The following THSD7A variants were observed in gnomAD, a reference collection of about 807,000 sequenced individuals.
THSD7A encodes thrombospondin type-1 domain-containing protein 7A.
A neutral mutation model predicts 231.3 loss-of-function variants in THSD7A; 96 were observed. The ratio of observed to expected loss-of-function variants is 0.41; its 90% CI spans 0.35 to 0.49. The LOEUF is 0.49. THSD7A is among the 20% of genes least tolerant of loss of function. THSD7A has a pLI of 0.05. For missense variants in THSD7A, 2,290 were observed against 2,070.2 expected (o/e 1.11, Z -2.06); for synonymous variants, 940 against 743.3 (o/e 1.26, Z -4.30).
intron 1 of THSD7A, among the ~76,000 whole-genome samples, chr7:11,791,385 C>T (rs868546332): frequency 2.0e-5 from 3 of 152,014 alleles, no homozygotes; most frequent in Non-Finnish European, 4.4e-5. Flanking sequence ...AAATGTTATC[C>T]TCCCTACCCC....
At chr7:11,691,081 T>C (rs1453891642) in intron 1 of THSD7A, among the ~76,000 whole-genome samples, 1 of 151,650 alleles carries the variant, frequency 6.6e-6, no homozygotes, top group Non-Finnish European at 1.5e-5. Flanking sequence ...GTTAGGTTTT[T>C]GTATCCTTTA....
chr7:11,407,513 G>C, intron 19 of THSD7A, 90 bp from the exon 20 acceptor site: 10 of 868,240 alleles, frequency 1.2e-5, no homozygotes, highest in Non-Finnish European at 1.6e-5. Context: ...GAAGGAGGGA[G>C]AAAAAGCAAG....
chr7:11,559,195 C>A (rs549341329), intron 4 of THSD7A, among the ~76,000 whole-genome samples: 1 of 152,232 alleles, frequency 6.6e-6, no homozygotes, highest in South Asian at 2.1e-4. Flanking sequence ...ACAGCTCCTC[C>A]CCTAGAGCCT....
chr7:11,734,259 C>T (rs1046537389), intron 1 of THSD7A, among the ~76,000 whole-genome samples: 4 of 152,004 alleles, frequency 2.6e-5, no homozygotes, highest in African/African-American at 7.2e-5. Flanking sequence ...CCAAACCATG[C>T]ACACACCACA....
At chr7:11,587,213 C>T (rs1178567687) in intron 4 of THSD7A, among the ~76,000 whole-genome samples, 1 of 152,138 alleles carries the variant, frequency 6.6e-6, no homozygotes, top group Non-Finnish European at 1.5e-5. Flanking sequence ...TACAGATAAC[C>T]TCCCCACAGG....
At chr7:11,488,098 T>A (rs942228956) in intron 6 of THSD7A, among the ~76,000 whole-genome samples, 4 of 152,122 alleles carry the variant, frequency 2.6e-5, no homozygotes, top group African/African-American at 4.8e-5. Flanking sequence ...AGAGCCAAGA[T>A]TAAAAAGCAC....
chr7:11,826,739 G>A (rs995123978), intron 1 of THSD7A, among the ~76,000 whole-genome samples: 3 of 149,840 alleles, frequency 2.0e-5, no homozygotes, highest in African/African-American at 7.4e-5. Flanking sequence ...TTGAATCCAG[G>A]AGGCAATGAT....
chr7:11,405,111 T>A lies in THSD7A; in HGVS notation c.4237+1189A>T, dbSNP rs571827774. The stretch of plus-strand genomic sequence containing the variant: ...TATTTACTGTTCAATTTCATTCAGT[T>A]CATCTTAAACTATACCCTACCATTT... On this transcript the variant is annotated intron_variant, in intron 22 of 27. Transcript: ENST00000423059. Among the ~76,000 whole-genome samples, 12 of 151,834 alleles carry A rather than the reference T, an allele frequency of 7.9e-5. No individual in the cohort carries two copies. The South Asian group carries it at 1.0e-3, about 13-fold the overall frequency.
rs967268771 is a variant in THSD7A at position 11,382,612 on chromosome 7, T to G, written c.4416A>C (p.Gly1472=). 3 of 1,611,342 alleles carry G rather than the reference T, an allele frequency of 1.9e-6. No individual in the cohort carries two copies. Among genetic ancestry groups the G allele is most frequent in the Admixed American group, 3.3e-5 (2 of 59,786 alleles). ...CCATCCATTTATATTCATAGCACTG[T>G]CCATCTGCAGGGAAATAATAAACAT... The part of the protein sequence containing the change: ...QMLETKSCYD[G]QCYEYKWMAS... The change falls in exon 24 of 28, where the codon GGA becomes GGC. Residue 1472 remains glycine, a synonymous_variant. Coordinates refer to ENST00000423059, the MANE Select transcript of THSD7A (RefSeq NM_015204.3).
intron 6 of THSD7A, among the ~76,000 whole-genome samples, chr7:11,513,685 G>A (rs73286814): frequency 1.6e-3 from 239 of 152,190 alleles, no homozygotes; most frequent in African/African-American, 5.6e-3. Context: ...TTCTCTTGAG[G>A]TGATGAAAAT....
At chr7:11,481,307 A>T (rs1453230115) in intron 7 of THSD7A, among the ~76,000 whole-genome samples, 1 of 152,216 alleles carries the variant, frequency 6.6e-6, no homozygotes, top group Non-Finnish European at 1.5e-5. Flanking sequence ...CAAGAAACTC[A>T]AAGAAACTGA....
chr7:11,736,673 AGC>A (rs1313249541), intron 1 of THSD7A, among the ~76,000 whole-genome samples: 6 of 152,054 alleles, frequency 3.9e-5, no homozygotes, highest in Non-Finnish European at 7.4e-5. Context: ...TAAAGGGCTA[AGC>A]ATACCCTTGT....
At chr7:11,565,758 T>A (rs896241164) in intron 4 of THSD7A, among the ~76,000 whole-genome samples, 2 of 152,176 alleles carry the variant, frequency 1.3e-5, no homozygotes, top group African/African-American at 2.4e-5. Context: ...CACTGCTTTT[T>A]AGTTGATCAG....
chr7:11,514,791 A>T (rs953072109), intron 6 of THSD7A, among the ~76,000 whole-genome samples: 1 of 152,168 alleles, frequency 6.6e-6, no homozygotes. Context: ...AAATGACTGT[A>T]CTTGCTTTCT....
rs1349804198 is a variant in THSD7A at position 11,371,124 on chromosome 7, A to C, written c.*4670T>G. 1 of 152,248 alleles carries C rather than the reference A, an allele frequency of 6.6e-6. No homozygotes were observed. Among genetic ancestry groups the C allele is most frequent in the East Asian group, 1.9e-4 (1 of 5,202 alleles). The allele number at this position is 152,248 out of a possible 1,614,324, so 9.4% of individuals were successfully genotyped here. A position where few individuals can be genotyped will look rare whatever the true frequency, so the allele number is the denominator to read the frequency against. ...TTAAGATCTGACTTGGTAGAAACAC[A>C]GAAAAATAAAAATGCAAAATTAACT... On this transcript the variant is annotated 3_prime_UTR_variant, in exon 28 of 28. Transcript: ENST00000423059.
In THSD7A at chr7:11,798,195, TA is replaced by T. The variant is rs1440524755; in HGVS notation, c.190+33561del. Among the ~76,000 whole-genome samples the T allele has an allele frequency of 2.6e-5, 4 of 152,234 alleles. No individual in the cohort carries two copies. In the East Asian group the frequency reaches 7.7e-4, roughly 29 times the overall value. On this transcript the variant is annotated intron_variant, in intron 1 of 27. Coordinates refer to ENST00000423059, the MANE Select transcript of THSD7A (RefSeq NM_015204.3). ...TACTATCATACATTTATCTGGTACTTATTAACTTTTGATAGAAATAAATACG... is the reference window on the plus strand; with the variant it reads ...TACTATCATACATTTATCTGGTACTTTTAACTTTTGATAGAAATAAATACG...
chr7:11,417,423 C>T (rs1252255771), intron 17 of THSD7A, 27 bp downstream of exon 17: 4 of 1,544,442 alleles, frequency 2.6e-6, no homozygotes, highest in East Asian at 2.3e-5. Flanking sequence ...ATAAACTCTA[C>T]ATTAATAAAA....
At chr7:11,594,517 T>G (rs537823245) in intron 2 of THSD7A, among the ~76,000 whole-genome samples, 1 of 152,280 alleles carries the variant, frequency 6.6e-6, no homozygotes, top group East Asian at 1.9e-4. Context: ...TAGGGAGTTA[T>G]GCAAAATAAA....
intron 2 of THSD7A, among the ~76,000 whole-genome samples, chr7:11,626,472 G>A (rs1781475462): frequency 1.3e-5 from 2 of 152,042 alleles, no homozygotes; most frequent in South Asian, 4.1e-4. Context: ...AAAGTAAAAG[G>A]AGAGGTGAAG....
Sources: gnomAD v4.1 joint callset for allele counts (sites outside exome capture counted in the v4.1 genomes callset) on GRCh38, gnomAD v4.1.1 for gene constraint, MANE v1.5 for transcripts, NCBI Gene and HGNC (gene_info 2026-07-23, HGNC 2026-07-21) for gene names.